The following SLC24A4 variants were observed in gnomAD, a reference collection of about 807,000 sequenced individuals.
SLC24A4 encodes sodium/potassium/calcium exchanger 4.
Under a neutral mutation model 79.0 loss-of-function variants are expected in SLC24A4, and 53 were observed. The observed-to-expected ratio is 0.67, with a 90% confidence interval of 0.54 to 0.84. The LOEUF (loss-of-function observed/expected upper bound fraction) is 0.84. Ranked by LOEUF, SLC24A4 falls within the 40% of genes least tolerant of loss-of-function variation. The pLI is 0.00. For missense variants in SLC24A4, 731 were observed against 822.0 expected (o/e 0.89, Z 1.35); for synonymous variants, 323 against 323.8 (o/e 1.00, Z 0.03).
chr14:92,489,354 G>A (rs2139941248), intron 14 of SLC24A4, among the ~76,000 whole-genome samples: 1 of 152,224 alleles, frequency 6.6e-6, no homozygotes, highest in Middle Eastern at 3.4e-3. Flanking sequence ...CAGGAGAATT[G>A]CTTGAACCCA....
chr14:92,334,279 G>C (rs1467698720), intron 2 of SLC24A4, among the ~76,000 whole-genome samples: 43 of 152,342 alleles, frequency 2.8e-4, no homozygotes, highest in Non-Finnish European at 2.9e-5. Context: ...CCTTTCCTGA[G>C]AAGGGCAGCC....
intron 2 of SLC24A4, among the ~76,000 whole-genome samples, chr14:92,431,302 C>T (rs1485127606): frequency 1.3e-5 from 2 of 152,180 alleles, no homozygotes; most frequent in East Asian, 1.9e-4. Flanking sequence ...GATCTCCATT[C>T]GTAGGTGAGG....
At chr14:92,484,411 TC>T in intron 13 of SLC24A4, 4 of 985,266 alleles carry the variant, frequency 4.1e-6, no homozygotes, top group Non-Finnish European at 4.8e-6. Flanking sequence ...CCCAGCCTGT[TC>T]CCTTTCTCCC....
At chr14:92,394,118 T>C (rs1178744361) in intron 2 of SLC24A4, among the ~76,000 whole-genome samples, 1 of 152,026 alleles carries the variant, frequency 6.6e-6, no homozygotes, top group African/African-American at 2.4e-5. Context: ...ATGCTGGGAT[T>C]ACAGGTGTGA....
chr14:92,341,929 T>G (rs955852281), intron 2 of SLC24A4, among the ~76,000 whole-genome samples: 2 of 152,240 alleles, frequency 1.3e-5, no homozygotes, highest in African/African-American at 4.8e-5. Context: ...TAAACCTTGC[T>G]TGTTTTTTCC....
rs116577698 is a variant in SLC24A4 at position 92,465,250 on chromosome 14, A to G, written c.1255+8642A>G. 4.3e-3 allele frequency among the ~76,000 whole-genome samples: 651 copies of G among 152,316 alleles called. 7 individuals carry two copies. The highest frequency in any genetic ancestry group is 0.015 in the African/African-American group (624 of 41,560). ...AAGTGGGTGGGCCGGGACAGTTATC[A>G]CTGTCTCACGGGTGAGGACATGGAG... On this transcript the variant is annotated intron_variant, in intron 12 of 16. Coordinates refer to ENST00000532405, the MANE Select transcript of SLC24A4 (RefSeq NM_153646.4).
intron 6 of SLC24A4, 44 bp from the exon 7 acceptor site, chr14:92,443,356 C>G (rs74073080): frequency 1.2e-6 from 2 of 1,602,820 alleles, no homozygotes; most frequent in Non-Finnish European, 1.7e-6. Context: ...ACCCCCTCCC[C>G]GCTTCTGCGC....
intron 2 of SLC24A4, among the ~76,000 whole-genome samples, chr14:92,372,824 C>A (rs1003655132): frequency 1.7e-4 from 26 of 151,858 alleles, no homozygotes; most frequent in African/African-American, 6.3e-4. Flanking sequence ...CATCACATTA[C>A]ATTTGCACCT....
intron 2 of SLC24A4, among the ~76,000 whole-genome samples, chr14:92,423,788 G>A (rs4603491): frequency 0.42 from 63,686 of 152,046 alleles, 13,573 homozygotes; most frequent in Non-Finnish European, 0.44. Flanking sequence ...GGTGGAGGCT[G>A]TTGGCATGAG....
chr14:92,442,836 G>T lies in SLC24A4; in HGVS notation c.582+20G>T. On this transcript the variant is annotated intron_variant, in intron 6 of 16. Transcript: ENST00000532405. ...GGCCAGGTCAGTGGTTTCTCCCTGG[G>T]CCCGGCAGATGCATGCCCTGAAGCG... The T allele has an allele frequency of 6.3e-7, 1 of 1,597,942 alleles. No homozygotes were observed. Among genetic ancestry groups the T allele is most frequent in the Non-Finnish European group, 8.6e-7 (1 of 1,165,442 alleles).
At position 92,433,996 on chromosome 14, in the gene SLC24A4, G is replaced by T. The variant is rs376764844; in HGVS notation, c.318+8G>T. 5 of 1,612,992 alleles carry T rather than the reference G, an allele frequency of 3.1e-6. No homozygotes were observed. The highest frequency in any genetic ancestry group is 2.2e-5 in the South Asian group (2 of 91,062). On this transcript the variant is annotated splice_region_variant and intron_variant, in intron 3 of 16. Transcript: ENST00000532405. ...CTGCTGCACATCCTTGGTGTAAGTC[G>T]TCCTCCCAGAGTGGTCACAAAACTT...
intron 12 of SLC24A4, among the ~76,000 whole-genome samples, chr14:92,477,125 G>T (rs1270224121): frequency 6.6e-6 from 1 of 152,122 alleles, no homozygotes; most frequent in African/African-American, 2.4e-5. Flanking sequence ...TCCAAAGCAG[G>T]TGTACCACTT....
At chr14:92,439,308 C>A (rs769529200) in intron 3 of SLC24A4, 27 bp from the exon 4 acceptor site, 2 of 1,604,554 alleles carry the variant, frequency 1.2e-6, no homozygotes, top group South Asian at 2.2e-5. Flanking sequence ...CCTCACCGAC[C>A]CTGCCTGTCT....
intron 15 of SLC24A4, 117 bp from the exon 16 acceptor site, chr14:92,492,058 G>T: frequency 1.0e-6 from 1 of 970,118 alleles, no homozygotes. Context: ...GTGGTCACCT[G>T]TAAACACCTG....
intron 2 of SLC24A4, among the ~76,000 whole-genome samples, chr14:92,343,653 T>TTTCTTTCCTTCCTTCC (rs1886337588): frequency 2.9e-5 from 1 of 34,214 alleles, no homozygotes; most frequent in Non-Finnish European, 7.9e-5. Context: ...TCTTTCCTTC[T>TTTCTTTCCTTCCTTCC]TTCCTTCCTT....
At chr14:92,428,151 G>A (rs1433222197) in intron 2 of SLC24A4, among the ~76,000 whole-genome samples, 1 of 152,206 alleles carries the variant, frequency 6.6e-6, no homozygotes, top group Admixed American at 6.5e-5. Context: ...ATGATCAAGT[G>A]TTCAGTAACA....
rs934856684 is a variant in SLC24A4, at chr14:92,482,972, C to A, written c.1422+126C>A. 21 of 898,402 alleles carry A rather than the reference C, an allele frequency of 2.3e-5. No individual in the cohort carries two copies. The African/African-American group carries it at 3.1e-4, about 13-fold the overall frequency. 55.7% of individuals were successfully genotyped at this position (898,402 alleles called of 1,614,324 possible). ...GAGTCACTGGCCTCACTGACCACAG[C>A]GTATTTCTCAGTAGAAAAGGGTTTG... On this transcript the variant is annotated intron_variant, in intron 13 of 16. Transcript: ENST00000532405.
intron 2 of SLC24A4, among the ~76,000 whole-genome samples, chr14:92,431,471 G>A (rs1481331595): frequency 2.6e-5 from 4 of 152,250 alleles, no homozygotes; most frequent in African/African-American, 7.2e-5. Flanking sequence ...AGTGACAAGG[G>A]TGGGAGGCCA....
At chr14:92,329,925 C>A (rs1286226034) in intron 2 of SLC24A4, among the ~76,000 whole-genome samples, 1 of 152,228 alleles carries the variant, frequency 6.6e-6, no homozygotes, top group Non-Finnish European at 1.5e-5. Context: ...TTAATCCTGG[C>A]TGCATATTAA....
Sources: allele counts gnomAD v4.1 joint callset (sites outside exome capture counted in the v4.1 genomes callset), GRCh38; gene constraint gnomAD v4.1.1; transcripts MANE v1.5; gene names NCBI Gene and HGNC (gene_info 2026-07-23, HGNC 2026-07-21).